Variants in PCDH7 observed in about 807,000 individuals in gnomAD.
PCDH7 encodes the protein protocadherin 7, also known as protocadherin-7.
Under a neutral mutation model 58.9 loss-of-function variants are expected in PCDH7, and 17 were observed. That is an observed-to-expected ratio of 0.29 (90% CI 0.20 to 0.43). The LOEUF is 0.43. PCDH7 is among the 20% of genes least tolerant of loss of function. The pLI is 1.00. For missense variants in PCDH7, 1,274 were observed against 1,441.0 expected (o/e 0.88, Z 1.88); for synonymous variants, 664 against 616.4 (o/e 1.08, Z -1.14).
At chr4:30,804,990 CA>C (rs1467808031) in intron 1 of PCDH7, among the ~76,000 whole-genome samples, 2 of 152,158 alleles carry the variant, frequency 1.3e-5, no homozygotes, top group African/African-American at 4.8e-5. Context: ...ATTAAGGGCA[CA>C]AGGTCTCTTT....
At chr4:30,834,663 G>GT (rs752717285) in intron 1 of PCDH7, among the ~76,000 whole-genome samples, 16 of 147,456 alleles carry the variant, frequency 1.1e-4, no homozygotes, top group Non-Finnish European at 1.8e-4. Flanking sequence ...AGAGATGAAA[G>GT]TAAAAAAAAA....
chr4:30,838,022 G>A (rs1730730622), intron 1 of PCDH7, among the ~76,000 whole-genome samples: 3 of 151,456 alleles, frequency 2.0e-5, no homozygotes, highest in African/African-American at 2.4e-5. Flanking sequence ...ATATTGTAGC[G>A]AAATATCTTC....
At chr4:30,974,633 C>T (rs565174758) in intron 3 of PCDH7, among the ~76,000 whole-genome samples, 19 of 152,154 alleles carry the variant, frequency 1.2e-4, no homozygotes, top group Admixed American at 7.9e-4. Context: ...CCAAAATATC[C>T]GGGAGTGCCA....
At chr4:31,076,132 G>T (rs1286285975) in intron 3 of PCDH7, among the ~76,000 whole-genome samples, 1 of 152,100 alleles carries the variant, frequency 6.6e-6, no homozygotes, top group Non-Finnish European at 1.5e-5. Context: ...TGAAAGCCAG[G>T]CTGTTTTTGA....
intron 3 of PCDH7, among the ~76,000 whole-genome samples, chr4:30,965,532 TGATAA>T (rs1246092279): frequency 3.9e-5 from 6 of 152,070 alleles, no homozygotes; most frequent in African/African-American, 1.4e-4. Context: ...ATAGATCACA[TGATAA>T]GATATCAAAT....
chr4:30,845,329 T>C (rs906026666), intron 1 of PCDH7, among the ~76,000 whole-genome samples: 49 of 152,182 alleles, frequency 3.2e-4, no homozygotes, highest in African/African-American at 3.9e-4. Flanking sequence ...TAGTGTGAGA[T>C]GTTTATTTTG....
At chr4:30,790,164 A>G (rs1355719506) in intron 1 of PCDH7, among the ~76,000 whole-genome samples, 1 of 152,186 alleles carries the variant, frequency 6.6e-6, no homozygotes, top group Non-Finnish European at 1.5e-5. Context: ...TGGTAAATAC[A>G]CTTTAGTTGA....
At chr4:30,951,816 T>C (rs1327415422) in intron 3 of PCDH7, among the ~76,000 whole-genome samples, 1 of 152,182 alleles carries the variant, frequency 6.6e-6, no homozygotes, top group African/African-American at 2.4e-5. Context: ...GGACATGCCT[T>C]ATACAGCTTC....
At chr4:31,130,410 G>A (rs1426111228) in intron 3 of PCDH7, among the ~76,000 whole-genome samples, 1 of 152,098 alleles carries the variant, frequency 6.6e-6, no homozygotes. Flanking sequence ...ATGACTCAAT[G>A]GGAAATAAAA....
chr4:31,138,387 T>TA (rs1719873433), intron 3 of PCDH7, among the ~76,000 whole-genome samples: 1 of 152,222 alleles, frequency 6.6e-6, no homozygotes, highest in East Asian at 1.9e-4. Flanking sequence ...ATCTATTTCC[T>TA]GTGCTACTCA....
intron 2 of PCDH7, among the ~76,000 whole-genome samples, chr4:30,932,625 A>G (rs1018550712): frequency 6.6e-6 from 1 of 152,148 alleles, no homozygotes; most frequent in Non-Finnish European, 1.5e-5. Flanking sequence ...ATTTTTTGAC[A>G]TGTGTATGCA....
intron 3 of PCDH7, among the ~76,000 whole-genome samples, chr4:30,997,772 T>C (rs1196697760): frequency 3.3e-5 from 5 of 152,122 alleles, no homozygotes; most frequent in African/African-American, 1.2e-4. Context: ...AATCAAGACA[T>C]TTTAAAAGAA....
intron 3 of PCDH7, among the ~76,000 whole-genome samples, chr4:31,029,585 T>C (rs1390498986): frequency 6.6e-6 from 1 of 152,184 alleles, no homozygotes; most frequent in African/African-American, 2.4e-5. Context: ...GGCTCATAGC[T>C]CTAGCAAGGA....
rs1222523645 is a variant in PCDH7, at chr4:30,747,951, T to C, written c.70+23355T>C. Among the ~76,000 whole-genome samples the C allele has an allele frequency of 2.0e-5, 3 of 152,312 alleles. No individual in the cohort carries two copies. The South Asian group carries it at 6.2e-4, about 32-fold the overall frequency. Reference sequence around the variant, plus strand: ...TTATTACTGAATAGATACTTTATTATTACTTGCACTGTATCTTGCTTTTCC... The same window carrying C: ...TTATTACTGAATAGATACTTTATTACTACTTGCACTGTATCTTGCTTTTCC... On this transcript the variant is annotated intron_variant, in intron 1 of 3. Transcript: ENST00000509759.
intron 3 of PCDH7, among the ~76,000 whole-genome samples, chr4:31,057,114 T>C (rs1757323065): frequency 6.6e-6 from 1 of 152,220 alleles, no homozygotes; most frequent in African/African-American, 2.4e-5. Flanking sequence ...GAAATATTTG[T>C]AAACCTGTGA....
chr4:30,741,372 A>T (rs1717054986), intron 1 of PCDH7, among the ~76,000 whole-genome samples: 1 of 148,666 alleles, frequency 6.7e-6, no homozygotes, highest in Non-Finnish European at 1.5e-5. Flanking sequence ...AAAAAAAAAA[A>T]TTATAGAGAC....
At chr4:30,967,561 A>G (rs983183543) in intron 3 of PCDH7, among the ~76,000 whole-genome samples, 1 of 152,160 alleles carries the variant, frequency 6.6e-6, no homozygotes, top group Non-Finnish European at 1.5e-5. Flanking sequence ...TCTCAACAGT[A>G]GAAATCACTG....
chr4:30,764,955 G>A (rs1279259080), intron 1 of PCDH7, among the ~76,000 whole-genome samples: 4 of 151,862 alleles, frequency 2.6e-5, no homozygotes, highest in East Asian at 1.9e-4. Context: ...TCCTGACGTC[G>A]TGATCTGCCC....
chr4:30,724,660 TC>T, intron 1 of PCDH7, 64 bp downstream of exon 1: 1 of 1,535,068 alleles, frequency 6.5e-7, no homozygotes, highest in Non-Finnish European at 8.8e-7. Flanking sequence ...AGACAGATTA[TC>T]TTCTGTAAAG....
Sources: gnomAD v4.1 joint callset for allele counts (sites outside exome capture counted in the v4.1 genomes callset) on GRCh38, gnomAD v4.1.1 for gene constraint, MANE v1.5 for transcripts, NCBI Gene and HGNC (gene_info 2026-07-23, HGNC 2026-07-21) for gene names.